The following VARS2 variants were observed in gnomAD, a reference collection of about 807,000 sequenced individuals.
The protein encoded by VARS2 is valyl-tRNA synthetase 2, mitochondrial.
In VARS2, 105 loss-of-function variants were observed where a neutral mutation model predicts 154.1. That is an observed-to-expected ratio of 0.68 (90% confidence interval 0.58 to 0.80). VARS2 has a LOEUF of 0.80. Among genes scored for constraint, VARS2 ranks in the 30% least tolerant of loss-of-function variants. The pLI is 0.00. For missense variants in VARS2, 1,157 were observed against 1,361.4 expected (o/e 0.85, Z 2.36); for synonymous variants, 483 against 539.5 (o/e 0.90, Z 1.45).
At position 30,926,297 on chromosome 6, in the gene VARS2, C is replaced by CA; in HGVS notation, c.*88dup. On this transcript the variant is annotated 3_prime_UTR_variant, in exon 30 of 30. Transcript: ENST00000676266. ...CAGCTGTCAGGGTGCAGTGGGACGT[C>CA]AGAGACTATGTGGTCCATCGCCTTC... 7.4e-6 allele frequency: 10 copies of CA among 1,342,374 alleles called. No individual in the cohort carries two copies. Among genetic ancestry groups the CA allele is most frequent in the Non-Finnish European group, 1.1e-5 (10 of 952,078 alleles). 83.2% of individuals were successfully genotyped at this position (1,342,374 alleles called of 1,614,324 possible). A position where few individuals can be genotyped will look rare whatever the true frequency, so the allele number is the denominator to read the frequency against.
chr6:30,918,748 G>GT (rs1794326476), intron 10 of VARS2, 79 bp from the exon 11 acceptor site: 2 of 1,190,586 alleles, frequency 1.7e-6, no homozygotes, highest in Non-Finnish European at 2.4e-6. Context: ...CCCCTTTCCA[G>GT]TTCTACTGCC....
intron 26 of VARS2, 107 bp downstream of exon 26, chr6:30,924,667 T>G: frequency 1.5e-6 from 1 of 651,126 alleles, no homozygotes; most frequent in South Asian, 1.9e-5. Context: ...CGTACTTTAC[T>G]GTGGAGCCCT....
At position 30,917,851 on chromosome 6, in the gene VARS2, C is replaced by A; in HGVS notation, c.985+45C>A. 1 of 1,542,136 alleles carries A rather than the reference C, an allele frequency of 6.5e-7. No homozygotes were observed. Among genetic ancestry groups the A allele is most frequent in the Non-Finnish European group, 8.8e-7 (1 of 1,138,736 alleles). ...GGGTCACCCGTTTACCTCCATTTTTCCTGTTTTCTGAAGCCCATGTTGGGC... is the reference window on the plus strand; with the variant it reads ...GGGTCACCCGTTTACCTCCATTTTTACTGTTTTCTGAAGCCCATGTTGGGC... On this transcript the variant is annotated intron_variant, in intron 10 of 29. Transcript: ENST00000676266. This position sits in a 1 kb window ranked among gnomAD's most constrained non-coding sequence, Gnocchi z 4.4.
rs888887160 is a variant in VARS2 at position 30,920,545 on chromosome 6, C to T, written c.1397+109C>T. 5.9e-6 allele frequency: 8 copies of T among 1,355,868 alleles called. No homozygotes were observed. The highest frequency in any genetic ancestry group is 1.5e-5 in the African/African-American group (1 of 68,438). The allele number at this position is 1,355,868 out of a possible 1,614,324, so 84.0% of individuals were successfully genotyped here. On this transcript the variant is annotated intron_variant, in intron 14 of 29. Coordinates refer to ENST00000676266, the MANE Select transcript of VARS2 (RefSeq NM_020442.6). This position sits in a 1 kb window ranked among gnomAD's most constrained non-coding sequence, Gnocchi z 4.6. ...CACCCCTCCGTTAGAATACGAGCTC[C>T]GTGTCGGTTTTATTCGCTATTGTAT...
chr6:30,916,870 G>C lies in VARS2; in HGVS notation c.672-8G>C. ...AGTGTTTGCTGACAAGGATCTCTCT[G>C]GGCACAGGAAAGGTGGAGAGATCTG... is the stretch of plus-strand genomic sequence containing the variant. On this transcript the variant is annotated splice_polypyrimidine_tract_variant and splice_region_variant and intron_variant, in intron 7 of 29. Transcript: ENST00000676266. This position sits in a 1 kb window ranked among gnomAD's most constrained non-coding sequence, Gnocchi z 4.0. 1 of 1,614,048 alleles carries C rather than the reference G, an allele frequency of 6.2e-7. No homozygotes were observed. Among genetic ancestry groups the C allele is most frequent in the Admixed American group, 1.7e-5 (1 of 60,018 alleles).
rs1562452343 is a variant in VARS2 at position 30,918,857 on chromosome 6, C to CAG, written c.1020_1021dup (p.Thr341ArgfsTer30). The CAG allele has an allele frequency of 1.1e-5, 18 of 1,612,992 alleles. No homozygotes were observed. The highest frequency in any genetic ancestry group is 1.5e-5 in the Non-Finnish European group (18 of 1,180,022). The stretch of plus-strand genomic sequence containing the variant: ...GAGGTTGTGGTAGGAACCACAAGGC[C>CAG]AGAGACGCTGCCTGGAGATGTGGCT... On this transcript the variant is annotated frameshift_variant, in exon 11 of 30. Transcript: ENST00000676266. LOFTEE classifies it high-confidence loss of function.
chr6:30,915,711 C>A, intron 4 of VARS2, 35 bp from the exon 5 acceptor site: 1 of 1,609,332 alleles, frequency 6.2e-7, no homozygotes. Context: ...CAATCCAATT[C>A]TCTCTTGCCC....
Position 30,921,417 on chromosome 6 carries a change from C to A in VARS2, c.1632+112C>A. The A allele has an allele frequency of 6.8e-7, 1 of 1,463,972 alleles. No individual in the cohort carries two copies. Among genetic ancestry groups the A allele is most frequent in the Non-Finnish European group, 9.5e-7 (1 of 1,057,306 alleles). 90.7% of individuals were successfully genotyped at this position (1,463,972 alleles called of 1,614,324 possible). On this transcript the variant is annotated intron_variant, in intron 17 of 29. Coordinates refer to ENST00000676266, the MANE Select transcript of VARS2 (RefSeq NM_020442.6). This position sits in a 1 kb window ranked among gnomAD's most constrained non-coding sequence, Gnocchi z 4.6. ...CCTGCCTGGTCATGTGCTTCATGCT[C>A]ATAGTCATGTAACCTTCTGCGCGAT...
At position 30,926,100 on chromosome 6, in the gene VARS2, C is replaced by T; in HGVS notation, c.3091-9C>T. On this transcript the variant is annotated splice_polypyrimidine_tract_variant and intron_variant, in intron 29 of 29. Coordinates refer to ENST00000676266, the MANE Select transcript of VARS2 (RefSeq NM_020442.6). ...TCCTGGATCCTCACCTCCTTTTCTCCTCGTCCAGCTTTCTTCCCTCCAGCT... is the reference window on the plus strand; with the variant it reads ...TCCTGGATCCTCACCTCCTTTTCTCTTCGTCCAGCTTTCTTCCCTCCAGCT... 1.9e-6 allele frequency: 3 copies of T among 1,613,108 alleles called. No individual in the cohort carries two copies. The South Asian group carries it at 3.3e-5, about 18-fold the overall frequency.
intron 10 of VARS2, 93 bp from the exon 11 acceptor site, chr6:30,918,734 C>CT: frequency 2.8e-6 from 3 of 1,061,402 alleles, no homozygotes; most frequent in Non-Finnish European, 4.2e-6. Context: ...ACTCCCTGCC[C>CT]CTTCCCCTTT....
chr6:30,923,856 G>A (rs1794684188), intron 25 of VARS2: 3 of 385,900 alleles, frequency 7.8e-6, no homozygotes, highest in East Asian at 5.0e-5. Flanking sequence ...GACTAGCAGC[G>A]GTCTTTAGAC....
rs1794825502 is a variant in VARS2, at chr6:30,926,147, G to A, written c.3129G>A (p.Lys1043=). 2 of 1,613,002 alleles carry A rather than the reference G, an allele frequency of 1.2e-6. No individual in the cohort carries two copies. Among genetic ancestry groups the A allele is most frequent in the Admixed American group, 1.7e-5 (1 of 60,004 alleles). ...AGCTGGAATTGTCAAAACTGGACAA[G>A]GCAGCCTCTCACCTCCGGCAGCTGA... ...SLQLELSKLD[K]AASHLRQLMD... The change falls in exon 30 of 30, where the codon AAG becomes AAA. Residue 1043 remains lysine (K), a synonymous_variant. Coordinates refer to ENST00000676266, the MANE Select transcript of VARS2 (RefSeq NM_020442.6).
Position 30,917,351 on chromosome 6 carries a change from G to T in VARS2, c.873+127G>T. 2 of 1,467,784 alleles carry T rather than the reference G, an allele frequency of 1.4e-6. No homozygotes were observed. Among genetic ancestry groups the T allele is most frequent in the Non-Finnish European group, 1.9e-6 (2 of 1,062,926 alleles). 90.9% of individuals were successfully genotyped at this position (1,467,784 alleles called of 1,614,324 possible). ...GATGCCTGCCTGTTACAGCTGTGTG[G>T]CTTTTGGCAGGCCGTTTAGTCTCTT... On this transcript the variant is annotated intron_variant, in intron 9 of 29. Transcript: ENST00000676266. This position sits in a 1 kb window ranked among gnomAD's most constrained non-coding sequence, Gnocchi z 4.4.
In VARS2 at chr6:30,916,441, C is replaced by T; in HGVS notation, c.671+192C>T. ...CTTATGTGTGTGGATATTATATATGCATTAGAATATTCGTGTGTGTGTGTG... is the reference window on the plus strand; with the variant it reads ...CTTATGTGTGTGGATATTATATATGTATTAGAATATTCGTGTGTGTGTGTG... On this transcript the variant is annotated intron_variant, in intron 7 of 29. Coordinates refer to ENST00000676266, the MANE Select transcript of VARS2 (RefSeq NM_020442.6). This position sits in a 1 kb window ranked among gnomAD's most constrained non-coding sequence, Gnocchi z 4.0. 1.9e-6 allele frequency: 1 copy of T among 518,688 alleles called. No homozygotes were observed. The allele number at this position is 518,688 out of a possible 1,614,324, so 32.1% of individuals were successfully genotyped here. A position where few individuals can be genotyped will look rare whatever the true frequency, so the allele number is the denominator to read the frequency against.
At chr6:30,914,751 A>G in intron 1 of VARS2, 59 bp from the exon 2 acceptor site, 2 of 1,480,116 alleles carry the variant, frequency 1.4e-6, no homozygotes, top group Non-Finnish European at 1.9e-6. Context: ...AGATGGAACA[A>G]GGGGAGTGAC....
In VARS2 at chr6:30,920,571, C is replaced by T; in HGVS notation, c.1398-97C>T. Reference sequence around the variant, plus strand: ...GTGTCGGTTTTATTCGCTATTGTATCCTCAGTACCAAGGGCCTGGCATGGC... The same window carrying T: ...GTGTCGGTTTTATTCGCTATTGTATTCTCAGTACCAAGGGCCTGGCATGGC... On this transcript the variant is annotated intron_variant, in intron 14 of 29. Coordinates refer to ENST00000676266, the MANE Select transcript of VARS2 (RefSeq NM_020442.6). The surrounding 1 kb of genome is among the most constrained non-coding windows in gnomAD (Gnocchi z 4.6). 7.4e-7 allele frequency: 1 copy of T among 1,355,112 alleles called. No individual in the cohort carries two copies. The highest frequency in any genetic ancestry group is 1.0e-6 in the Non-Finnish European group (1 of 999,754). The allele number at this position is 1,355,112 out of a possible 1,614,324, so 83.9% of individuals were successfully genotyped here. A position where few individuals can be genotyped will look rare whatever the true frequency, so the allele number is the denominator to read the frequency against.
Position 30,917,813 on chromosome 6 carries a change from A to C in VARS2, c.985+7A>C, listed in dbSNP as rs1273275616. On this transcript the variant is annotated splice_region_variant and intron_variant, in intron 10 of 29. Transcript: ENST00000676266. This position sits in a 1 kb window ranked among gnomAD's most constrained non-coding sequence, Gnocchi z 4.4. ...CCCGTGGATGGAGAGCCTGGTGAGC[A>C]TAGTACTCTGCAGGGTCACCCGTTT... 4.5e-6 allele frequency: 7 copies of C among 1,552,984 alleles called. No homozygotes were observed. Among genetic ancestry groups the C allele is most frequent in the Non-Finnish European group, 6.1e-6 (7 of 1,147,558 alleles).
rs1562448023 is a variant in VARS2, at chr6:30,916,095, TC to T, written c.574-52del. 1 of 1,529,410 alleles carries T rather than the reference TC, an allele frequency of 6.5e-7. No individual in the cohort carries two copies. The highest frequency in any genetic ancestry group is 8.8e-7 in the Non-Finnish European group (1 of 1,141,014). 94.7% of individuals were successfully genotyped at this position (1,529,410 alleles called of 1,614,324 possible). A position where few individuals can be genotyped will look rare whatever the true frequency, so the allele number is the denominator to read the frequency against. ...CTTTTCTTGGGCAAAAGCAATTTCT[TC>T]CCCCAAAGCAACCAAGCAACCTGAC... On this transcript the variant is annotated intron_variant, in intron 6 of 29. Coordinates refer to ENST00000676266, the MANE Select transcript of VARS2 (RefSeq NM_020442.6). This position sits in a 1 kb window ranked among gnomAD's most constrained non-coding sequence, Gnocchi z 4.0.
Position 30,924,468 on chromosome 6 carries a change from G to C in VARS2, c.2581G>C (p.Ala861Pro), listed in dbSNP as rs1582203140. 1.9e-6 allele frequency: 3 copies of C among 1,612,042 alleles called. No individual in the cohort carries two copies. The highest frequency in any genetic ancestry group is 2.5e-6 in the Non-Finnish European group (3 of 1,179,478). The change falls in exon 26 of 30, where the codon GCT (alanine) becomes CCT (proline). Residue 861 changes from alanine (A) to proline (P), a missense_variant. Physicochemically the swap from Ala to Pro is conservative, Grantham distance 27 (BLOSUM62 -1). Coordinates refer to ENST00000676266, the MANE Select transcript of VARS2 (RefSeq NM_020442.6). Reference protein sequence around the residue: ...RLLAPLMPFLAEELWQRLPPR... With the variant: ...RLLAPLMPFLPEELWQRLPPR... ...CCTGGCCCCACTGATGCCCTTCCTG[G>C]CTGAAGAGCTCTGGCAGAGGCTGCC...
Sources: allele counts gnomAD v4.1 joint callset, GRCh38; gene constraint gnomAD v4.1.1; non-coding constraint Gnocchi (gnomAD v3.1); transcripts MANE v1.5; gene names NCBI Gene and HGNC (gene_info 2026-07-23, HGNC 2026-07-21).